Variants in SPOCK3 observed in about 807,000 individuals in gnomAD.
SPOCK3 encodes the protein SPARC (osteonectin), cwcv and kazal like domains proteoglycan 3, also known as testican-3.
A neutral mutation model predicts 56.6 loss-of-function variants in SPOCK3; 30 were observed. The observed-to-expected ratio is 0.53, with a 90% CI of 0.40 to 0.72. SPOCK3 has a LOEUF of 0.72. Among genes scored for constraint, SPOCK3 ranks in the 30% least tolerant of loss-of-function variants. SPOCK3 has a pLI of 0.00. For missense variants in SPOCK3, 527 were observed against 530.0 expected, an observed-to-expected ratio of 0.99 and a Z score of 0.06; for synonymous variants, 196 against 183.3, an observed-to-expected ratio of 1.07 and a Z score of -0.56.
chr4:167,017,886 A>G (rs2150156246), intron 3 of SPOCK3, among the ~76,000 whole-genome samples: 1 of 152,172 alleles, frequency 6.6e-6, no homozygotes, highest in Non-Finnish European at 1.5e-5. Flanking sequence ...ATATTGATTA[A>G]AAACACCCAA....
chr4:166,762,318 A>G lies in SPOCK3; in HGVS notation c.710-7589T>C, dbSNP rs553624426. On this transcript the variant is annotated intron_variant, in intron 7 of 10. Coordinates refer to ENST00000357545, the MANE Select transcript of SPOCK3 (RefSeq NM_001040159.2). ...GATACTGATTTAAACTATTCTAATT[A>G]CCAGAAGTTGCCAAATGCCCAGGGA... 2.0e-5 allele frequency among the ~76,000 whole-genome samples: 3 copies of G among 152,230 alleles called. No homozygotes were observed. In the South Asian group the frequency reaches 6.2e-4, roughly 32 times the overall value.
At chr4:167,160,876 T>C (rs1261792508) in intron 2 of SPOCK3, among the ~76,000 whole-genome samples, 2 of 152,172 alleles carry the variant, frequency 1.3e-5, no homozygotes, top group African/African-American at 2.4e-5. Context: ...TTACACCTTA[T>C]ACAAAAATTA....
chr4:166,782,663 G>T (rs1052108548), intron 7 of SPOCK3, among the ~76,000 whole-genome samples: 28 of 151,804 alleles, frequency 1.8e-4, no homozygotes, highest in African/African-American at 6.5e-4. Flanking sequence ...TGAAAAAATA[G>T]GTAGCATTTA....
intron 3 of SPOCK3, among the ~76,000 whole-genome samples, chr4:167,036,590 A>G (rs1345274002): frequency 6.6e-6 from 1 of 152,122 alleles, no homozygotes. Context: ...TGCCTTTAAG[A>G]TATGGTGTAT....
At chr4:167,185,619 G>A (rs1731879061) in intron 2 of SPOCK3, among the ~76,000 whole-genome samples, 1 of 152,086 alleles carries the variant, frequency 6.6e-6, no homozygotes. Context: ...TAATTGAGCT[G>A]ATTAGGAAAA....
intron 2 of SPOCK3, among the ~76,000 whole-genome samples, chr4:167,094,839 T>C (rs1306212998): frequency 1.3e-5 from 2 of 152,048 alleles, no homozygotes; most frequent in Admixed American, 6.6e-5. Flanking sequence ...ATAATGTACA[T>C]AGAGAAAGAC....
At chr4:167,112,722 A>C (rs990587732) in intron 2 of SPOCK3, among the ~76,000 whole-genome samples, 1 of 152,140 alleles carries the variant, frequency 6.6e-6, no homozygotes, top group Non-Finnish European at 1.5e-5. Context: ...GTTTGGAAGA[A>C]GCCTCACAAA....
intron 6 of SPOCK3, among the ~76,000 whole-genome samples, chr4:166,874,043 C>G (rs906540621): frequency 2.6e-5 from 4 of 152,100 alleles, no homozygotes; most frequent in African/African-American, 7.2e-5. Context: ...AGCAAATGAT[C>G]TTGGGAGATT....
In SPOCK3 at chr4:167,116,686, C is replaced by CACATATAGTATATATGTATATAT. The variant is rs1561234102; in HGVS notation, c.190-54150_190-54149insATATATACATATATACTATATGT. 3.6e-4 allele frequency among the ~76,000 whole-genome samples: 7 copies of CACATATAGTATATATGTATATAT among 19,630 alleles called. No individual in the cohort carries two copies. The East Asian group carries it at 0.025, about 71-fold the overall frequency. The allele number at this position is 19,630 out of a possible 152,430, so 12.9% of individuals were successfully genotyped here. A position where few individuals can be genotyped will look rare whatever the true frequency, so the allele number is the denominator to read the frequency against. Reference sequence around the variant, plus strand: ...CGTATATAGTATATATGTATATATACACACATATAGTATATATACGTATAT... The same window carrying CACATATAGTATATATGTATATAT: ...CGTATATAGTATATATGTATATATACACATATAGTATATATGTATATATACACATATAGTATATATACGTATAT... On this transcript the variant is annotated intron_variant, in intron 2 of 10. Coordinates refer to ENST00000357545, the MANE Select transcript of SPOCK3 (RefSeq NM_001040159.2).
chr4:166,812,949 C>A (rs1489614917), intron 6 of SPOCK3, among the ~76,000 whole-genome samples: 1 of 151,856 alleles, frequency 6.6e-6, no homozygotes, highest in Non-Finnish European at 1.5e-5. Flanking sequence ...TAAATATTTG[C>A]ACTTTTATTT....
intron 5 of SPOCK3, 66 bp downstream of exon 5, chr4:166,912,554 G>T (rs1252651652): frequency 6.9e-7 from 1 of 1,444,032 alleles, no homozygotes; most frequent in Non-Finnish European, 9.7e-7. Flanking sequence ...ATAAGCAATG[G>T]TTTTAATCAT....
At chr4:166,855,787 G>A (rs372499677) in intron 6 of SPOCK3, among the ~76,000 whole-genome samples, 18 of 152,188 alleles carry the variant, frequency 1.2e-4, no homozygotes, top group African/African-American at 4.1e-4. Flanking sequence ...TTAGGTGTGG[G>A]GAGGGGCCTG....
intron 2 of SPOCK3, among the ~76,000 whole-genome samples, chr4:167,205,239 ATAT>A (rs1430511596): frequency 2.4e-5 from 2 of 84,510 alleles, no homozygotes; most frequent in Non-Finnish European, 4.3e-5. Flanking sequence ...TCTATAATAC[ATAT>A]TATATATTAT....
intron 4 of SPOCK3, among the ~76,000 whole-genome samples, chr4:166,949,784 C>A (rs1742291130): frequency 6.6e-6 from 1 of 152,140 alleles, no homozygotes; most frequent in Non-Finnish European, 1.5e-5. Flanking sequence ...CAATATTCAG[C>A]ATTCTTAAAG....
chr4:167,007,925 A>C lies in SPOCK3; in HGVS notation c.236-7462T>G, dbSNP rs181047072. ...CCTTCTAAATATCACTCTATTTCAA[A>C]ATTTTATTTTGTTTCAAGAGGATTT... On this transcript the variant is annotated intron_variant, in intron 3 of 10. Coordinates refer to ENST00000357545, the MANE Select transcript of SPOCK3 (RefSeq NM_001040159.2). 5.0e-4 allele frequency among the ~76,000 whole-genome samples: 76 copies of C among 152,178 alleles called. 1 individual carries two copies. Among genetic ancestry groups the C allele is most frequent in the Non-Finnish European group, 7.9e-4 (54 of 68,002 alleles).
At chr4:166,986,674 G>T (rs1221400382) in intron 4 of SPOCK3, among the ~76,000 whole-genome samples, 1 of 151,996 alleles carries the variant, frequency 6.6e-6, no homozygotes, top group Non-Finnish European at 1.5e-5. Context: ...AGCAATAAAA[G>T]GGACTCTAAT....
At chr4:166,776,281 T>C (rs1387269213) in intron 7 of SPOCK3, among the ~76,000 whole-genome samples, 1 of 151,866 alleles carries the variant, frequency 6.6e-6, no homozygotes, top group Non-Finnish European at 1.5e-5. Context: ...AGTGTGGTGG[T>C]GGGTGCCTGT....
intron 3 of SPOCK3, among the ~76,000 whole-genome samples, chr4:167,034,323 T>A (rs189414670): frequency 0.013 from 1,937 of 151,574 alleles, 21 homozygotes; most frequent in Non-Finnish European, 0.019. Context: ...CCAAGCTGTA[T>A]CAAAATAACA....
At chr4:167,193,996 T>C (rs1269598764) in intron 2 of SPOCK3, among the ~76,000 whole-genome samples, 1 of 152,208 alleles carries the variant, frequency 6.6e-6, no homozygotes, top group South Asian at 2.1e-4. Flanking sequence ...ACATAATGTG[T>C]ATATTAATTT....
Sources: gnomAD v4.1 joint callset for allele counts (sites outside exome capture counted in the v4.1 genomes callset) on GRCh38, gnomAD v4.1.1 for gene constraint, MANE v1.5 for transcripts, NCBI Gene and HGNC (gene_info 2026-07-23, HGNC 2026-07-21) for gene names.